Variants in ERI1 observed in about 807,000 individuals in gnomAD.
The protein encoded by ERI1 is exoribonuclease 1, also known as 3'-5' exoribonuclease 1.
ERI1 carries 39 observed loss-of-function variants against 39.7 expected under a neutral mutation model. The observed-to-expected ratio is 0.98, with a 90% CI of 0.76 to 1.28. The LOEUF (loss-of-function observed/expected upper bound fraction) is 1.28. Ranked by LOEUF, ERI1 falls within the 50% of genes most tolerant of loss-of-function variation. The pLI, the probability that ERI1 is intolerant of heterozygous loss-of-function variation, is 0.00. For synonymous variants in ERI1, 204 were observed against 149.6 expected, an observed-to-expected ratio of 1.36 and a Z score of -2.65; for missense variants, 581 against 416.9, an observed-to-expected ratio of 1.39 and a Z score of -3.43.
At chr8:9,009,264 A>G (rs921792562) in intron 2 of ERI1, 17 of 345,684 alleles carry the variant, frequency 4.9e-5, no homozygotes, top group Non-Finnish European at 8.5e-5. Flanking sequence ...GGGAAAACAT[A>G]CAAAGAAATC....
At chr8:9,019,936 G>C (rs905168606) in intron 5 of ERI1, among the ~76,000 whole-genome samples, 1 of 152,118 alleles carries the variant, frequency 6.6e-6, no homozygotes, top group African/African-American at 2.4e-5. Flanking sequence ...TGTTGTAGCA[G>C]AACAGATTGT....
At chr8:9,012,313 T>C (rs1585194693) in intron 3 of ERI1, among the ~76,000 whole-genome samples, 1 of 152,220 alleles carries the variant, frequency 6.6e-6, no homozygotes, top group East Asian at 1.9e-4. Context: ...ATGTGTGCTT[T>C]AGATACTTGT....
intron 2 of ERI1, 78 bp from the exon 3 acceptor site, chr8:9,011,464 C>G (rs773842424): frequency 1.1e-6 from 1 of 913,288 alleles, no homozygotes; most frequent in Non-Finnish European, 1.6e-6. Flanking sequence ...AGTGTTCAGC[C>G]CAGTGCCAGC....
At chr8:9,076,998 C>T (rs1327257226) in intron 3 of ERI1, among the ~76,000 whole-genome samples, 2 of 152,232 alleles carry the variant, frequency 1.3e-5, no homozygotes, top group African/African-American at 4.8e-5. Context: ...AGAATGTGGA[C>T]TTCACAGCTT....
At chr8:9,050,557 AAG>A (rs557730189) in intron 3 of ERI1, among the ~76,000 whole-genome samples, 20 of 152,198 alleles carry the variant, frequency 1.3e-4, no homozygotes, top group Admixed American at 1.2e-3. Flanking sequence ...AGAACAGAAA[AAG>A]AGATTTTCTA....
At chr8:9,042,106 C>A (rs916110992) in intron 3 of ERI1, among the ~76,000 whole-genome samples, 1 of 152,128 alleles carries the variant, frequency 6.6e-6, no homozygotes, top group Non-Finnish European at 1.5e-5. Context: ...CCAAACCCAC[C>A]TGGGGGAAAG....
At chr8:9,009,372 A>G (rs1816422519) in intron 2 of ERI1, among the ~76,000 whole-genome samples, 1 of 152,128 alleles carries the variant, frequency 6.6e-6, no homozygotes, top group Non-Finnish European at 1.5e-5. Context: ...GAAAGATGAC[A>G]TTTGAATTGT....
In ERI1 at chr8:9,045,627, A is replaced by G. The variant is rs376540594; in HGVS notation, n.299+25163A>G. Among the ~76,000 whole-genome samples the G allele has an allele frequency of 2.6e-5, 4 of 151,584 alleles. No individual in the cohort carries two copies. In the East Asian group the frequency reaches 5.8e-4, roughly 22 times the overall value. On this transcript the variant is annotated intron_variant and non_coding_transcript_variant, in intron 3 of 3. Coordinates refer to the ERI1 transcript ENST00000518663. ...GCCTGGGTAACATAGCAAGACCCCT[A>G]TTTGTATTAAAATATAAATAAATCT...
intron 3 of ERI1, among the ~76,000 whole-genome samples, chr8:9,082,232 CT>C (rs1369990521): frequency 6.6e-6 from 1 of 152,142 alleles, no homozygotes; most frequent in East Asian, 1.9e-4. Flanking sequence ...CTCTTGTTTT[CT>C]TTGTTTTTCT....
At chr8:9,073,759 A>G (rs1052387400) in intron 3 of ERI1, among the ~76,000 whole-genome samples, 13 of 152,182 alleles carry the variant, frequency 8.5e-5, no homozygotes, top group Admixed American at 6.5e-4. Flanking sequence ...AACTATTTCA[A>G]TTAATCTTTC....
intron 3 of ERI1, among the ~76,000 whole-genome samples, chr8:9,087,731 T>G (rs1047012169): frequency 4.6e-5 from 7 of 152,188 alleles, no homozygotes; most frequent in Non-Finnish European, 7.3e-5. Context: ...GACATAAATG[T>G]CCTCCCCATG....
At chr8:9,004,968 A>C (rs1563304054) in intron 1 of ERI1, among the ~76,000 whole-genome samples, 1 of 152,086 alleles carries the variant, frequency 6.6e-6, no homozygotes, top group Non-Finnish European at 1.5e-5. Flanking sequence ...GATTACAGGC[A>C]ATGAGCCACT....
intron 3 of ERI1, among the ~76,000 whole-genome samples, chr8:9,082,024 C>G (rs1339140935): frequency 2.0e-5 from 3 of 152,166 alleles, no homozygotes; most frequent in Admixed American, 6.5e-5. Flanking sequence ...CTTTTAAAGT[C>G]ACTGTGTCCC....
At chr8:9,098,859 A>G (rs1463749592) in intron 3 of ERI1, among the ~76,000 whole-genome samples, 1 of 152,178 alleles carries the variant, frequency 6.6e-6, no homozygotes, top group Non-Finnish European at 1.5e-5. Context: ...TGTTTCAGAC[A>G]GGCTCTCACT....
chr8:9,041,226 A>C (rs1376398424), intron 3 of ERI1, among the ~76,000 whole-genome samples: 1 of 152,230 alleles, frequency 6.6e-6, no homozygotes, highest in East Asian at 1.9e-4. Flanking sequence ...TTCAGGAGAA[A>C]CAAGTAAAAT....
chr8:9,020,922 T>C (rs1014199787), intron 6 of ERI1, among the ~76,000 whole-genome samples: 1 of 152,226 alleles, frequency 6.6e-6, no homozygotes, highest in Non-Finnish European at 1.5e-5. Flanking sequence ...TTTTTGTTTT[T>C]GTTTTTGTTT....
At position 9,016,403 on chromosome 8, in the gene ERI1, C is replaced by T. The variant is rs751542382; in HGVS notation, c.580C>T (p.Gln194Ter). The T allele has an allele frequency of 4.4e-6, 7 of 1,589,646 alleles. No homozygotes were observed. ...DFCISLTGIT[Q>*]DQVDRADTFP... ...CTGCATCAGTCTAACTGGAATTACTCAGGTTATAATTCTAAGTTCTTCTTT... is the reference window on the plus strand; with the variant it reads ...CTGCATCAGTCTAACTGGAATTACTTAGGTTATAATTCTAAGTTCTTCTTT... The change falls in exon 4 of 7, where the codon CAG (glutamine) becomes TAG (stop). Residue 194 changes from glutamine to a stop codon, truncating the protein, a stop_gained and splice_region_variant. Coordinates refer to ENST00000250263, the MANE Select transcript of ERI1 (RefSeq NM_153332.4). LOFTEE classifies it high-confidence loss of function.
At chr8:9,077,505 A>G (rs988302110) in intron 3 of ERI1, among the ~76,000 whole-genome samples, 2 of 63,928 alleles carry the variant, frequency 3.1e-5, no homozygotes, top group East Asian at 2.2e-4. Flanking sequence ...TTTATACCCC[A>G]CAGAAAAAAA....
intron 5 of ERI1, 150 bp downstream of exon 5, chr8:9,018,556 G>T: frequency 1.9e-6 from 1 of 530,582 alleles, no homozygotes; most frequent in South Asian, 2.9e-5. Flanking sequence ...TTCACCTAAG[G>T]ATGAAAGAGA....
Sources: allele counts gnomAD v4.1 joint callset (sites outside exome capture counted in the v4.1 genomes callset), GRCh38; gene constraint gnomAD v4.1.1; transcripts MANE v1.5; gene names NCBI Gene and HGNC (gene_info 2026-07-23, HGNC 2026-07-21).